The following CRPPA variants were observed in gnomAD, a reference collection of about 807,000 sequenced individuals.
The protein encoded by CRPPA is D-ribitol-5-phosphate cytidylyltransferase.
In CRPPA, 43 loss-of-function variants were observed where a neutral mutation model predicts 52.0. That is an observed-to-expected ratio of 0.83 (90% confidence interval 0.65 to 1.07). The LOEUF (loss-of-function observed/expected upper bound fraction) is 1.07, where lower values mean the gene tolerates loss of function less well. CRPPA is among the 50% of genes least tolerant of loss of function. CRPPA has a pLI of 0.00. For synonymous variants in CRPPA, 250 were observed against 203.5 expected, an observed-to-expected ratio of 1.23 and a Z score of -1.94; for missense variants, 629 against 551.7, an observed-to-expected ratio of 1.14 and a Z score of -1.40.
At chr7:16,416,938 G>A (rs576367665) in intron 1 of CRPPA, among the ~76,000 whole-genome samples, 1 of 152,066 alleles carries the variant, frequency 6.6e-6, no homozygotes, top group Non-Finnish European at 1.5e-5. Flanking sequence ...AATCTATAAG[G>A]AACTGTAAAC....
intron 1 of CRPPA, among the ~76,000 whole-genome samples, chr7:16,419,695 C>T (rs1788281123): frequency 1.3e-5 from 2 of 152,024 alleles, no homozygotes; most frequent in Non-Finnish European, 2.9e-5. Context: ...ACCAGTTCTG[C>T]GATCCCACCC....
chr7:16,187,504 G>A (rs1485942059), intron 9 of CRPPA, among the ~76,000 whole-genome samples: 1 of 152,160 alleles, frequency 6.6e-6, no homozygotes, highest in Non-Finnish European at 1.5e-5. Context: ...TCTAACTTTT[G>A]CTTGTCAATA....
intron 8 of CRPPA, among the ~76,000 whole-genome samples, chr7:16,240,369 G>A (rs889771689): frequency 4.6e-5 from 7 of 151,706 alleles, no homozygotes; most frequent in African/African-American, 1.7e-4. Context: ...TCTGCCACTG[G>A]AGCAGTGTAC....
chr7:16,178,497 C>A (rs1473312952), intron 9 of CRPPA, among the ~76,000 whole-genome samples: 1 of 152,156 alleles, frequency 6.6e-6, no homozygotes, highest in Middle Eastern at 3.4e-3. Context: ...GTGGGATAAA[C>A]CATGTTGGTT....
intron 3 of CRPPA, among the ~76,000 whole-genome samples, chr7:16,346,685 C>T (rs1418990388): frequency 6.6e-6 from 1 of 152,034 alleles, no homozygotes; most frequent in African/African-American, 2.4e-5. Context: ...AGTATACCAG[C>T]TTACTGTACT....
chr7:16,200,519 T>C (rs1428866417), intron 9 of CRPPA, among the ~76,000 whole-genome samples: 2 of 152,184 alleles, frequency 1.3e-5, no homozygotes, highest in Non-Finnish European at 2.9e-5. Flanking sequence ...ATTCAAAACA[T>C]TGGAATGACG....
At chr7:16,244,343 T>C (rs1783208676) in intron 8 of CRPPA, among the ~76,000 whole-genome samples, 1 of 152,150 alleles carries the variant, frequency 6.6e-6, no homozygotes, top group South Asian at 2.1e-4. Context: ...AAAATCCAAT[T>C]ATGCTAGATA....
intron 9 of CRPPA, among the ~76,000 whole-genome samples, chr7:16,171,490 A>G (rs1425084041): frequency 6.6e-6 from 1 of 152,156 alleles, no homozygotes; most frequent in Admixed American, 6.6e-5. Context: ...CTTAAAAATA[A>G]GTGCTTTCTC....
rs1467327619 is a variant in CRPPA, at chr7:16,107,204, T to C, written c.1252-15405A>G. Among the ~76,000 whole-genome samples, 5 of 151,672 alleles carry C rather than the reference T, an allele frequency of 3.3e-5. No individual in the cohort carries two copies. The East Asian group carries it at 7.7e-4, about 23-fold the overall frequency. ...GAAGGGCCAAAAAAAAACAAAAACA[T>C]CTTCAAAGAAATAATGGCTGAGAAA... On this transcript the variant is annotated intron_variant, in intron 9 of 9. Coordinates refer to ENST00000407010, the MANE Select transcript of CRPPA (RefSeq NM_001101426.4).
chr7:16,382,572 T>C (rs1377917886), intron 2 of CRPPA, among the ~76,000 whole-genome samples: 1 of 152,012 alleles, frequency 6.6e-6, no homozygotes, highest in Admixed American at 6.6e-5. Context: ...TCCTGGATAA[T>C]ATCCTGCAGA....
intron 9 of CRPPA, among the ~76,000 whole-genome samples, chr7:16,162,920 A>C (rs1157190343): frequency 6.9e-6 from 1 of 143,894 alleles, no homozygotes; most frequent in East Asian, 2.0e-4. Flanking sequence ...TGATCCCTTT[A>C]CCATTAGGTA....
Position 16,397,823 on chromosome 7 carries a change from G to A in CRPPA, c.534+8238C>T, listed in dbSNP as rs553805316. Among the ~76,000 whole-genome samples, 23 of 152,218 alleles carry A rather than the reference G, an allele frequency of 1.5e-4. 1 individual carries two copies. The South Asian group carries it at 4.6e-3, about 30-fold the overall frequency. ...GGCACGTGTTTAACATGTGACTGAC[G>A]TGATCCACAAAGGATCAACACGTAA... On this transcript the variant is annotated intron_variant, in intron 2 of 9. Transcript: ENST00000407010.
chr7:16,172,641 A>C (rs554632417), intron 9 of CRPPA, among the ~76,000 whole-genome samples: 81 of 152,308 alleles, frequency 5.3e-4, no homozygotes, highest in African/African-American at 1.9e-3. Context: ...GTGTGATCAT[A>C]AATACTCAAA....
At chr7:16,334,757 A>T (rs879270780) in intron 3 of CRPPA, among the ~76,000 whole-genome samples, 1 of 152,144 alleles carries the variant, frequency 6.6e-6, no homozygotes, top group Non-Finnish European at 1.5e-5. Flanking sequence ...ACCGAGCCCA[A>T]TTAGAGAAGC....
intron 3 of CRPPA, among the ~76,000 whole-genome samples, chr7:16,315,521 G>A (rs1427775552): frequency 1.3e-5 from 2 of 152,244 alleles, no homozygotes; most frequent in East Asian, 3.9e-4. Flanking sequence ...GGAGTTGAGT[G>A]GGAAAGGATG....
intron 8 of CRPPA, 107 bp downstream of exon 8, chr7:16,258,283 T>C (rs1783698146): frequency 1.7e-5 from 10 of 593,704 alleles, no homozygotes; most frequent in Middle Eastern, 3.3e-4. Context: ...GAGTTTCTTT[T>C]GAGTATGGGT....
chr7:16,216,960 G>A (rs1458549115), intron 8 of CRPPA, among the ~76,000 whole-genome samples: 2 of 152,106 alleles, frequency 1.3e-5, no homozygotes, highest in Admixed American at 6.5e-5. Flanking sequence ...AGGCCTGCCT[G>A]CCTCTGTAGG....
chr7:16,095,976 G>A (rs1255176070), intron 9 of CRPPA, among the ~76,000 whole-genome samples: 1 of 152,136 alleles, frequency 6.6e-6, no homozygotes, highest in East Asian at 1.9e-4. Flanking sequence ...AGGAGCAGGA[G>A]GTTAAATCTG....
intron 8 of CRPPA, among the ~76,000 whole-genome samples, chr7:16,227,972 A>T (rs901497344): frequency 7.2e-5 from 11 of 151,858 alleles, no homozygotes; most frequent in African/African-American, 2.7e-4. Flanking sequence ...ATATTCAGTT[A>T]TCCCAACAAC....
Sources: allele counts gnomAD v4.1 joint callset (sites outside exome capture counted in the v4.1 genomes callset), GRCh38; gene constraint gnomAD v4.1.1; transcripts MANE v1.5; gene names NCBI Gene and HGNC (gene_info 2026-07-23, HGNC 2026-07-21).